Variants in HOMER1 observed in about 807,000 individuals in gnomAD.
HOMER1 encodes the protein homer protein homolog 1.
Under a neutral mutation model 48.9 loss-of-function variants are expected in HOMER1, and 3 were observed. The ratio of observed to expected loss-of-function variants is 0.06; its 90% CI spans 0.03 to 0.16. The LOEUF (loss-of-function observed/expected upper bound fraction) is 0.16. Ranked by LOEUF, HOMER1 falls within the 10% of genes least tolerant of loss-of-function variation. The probability of loss-of-function intolerance (pLI) is 1.00; values close to 1 mark genes in which losing one functional copy is unlikely to be tolerated. For synonymous variants in HOMER1, 134 were observed against 146.4 expected (o/e 0.92, Z 0.61); for missense variants, 247 against 411.4 (o/e 0.60, Z 3.46).
At chr5:79,424,901 C>A (rs1404920338) in intron 5 of HOMER1, among the ~76,000 whole-genome samples, 1 of 151,916 alleles carries the variant, frequency 6.6e-6, no homozygotes, top group Non-Finnish European at 1.5e-5. Flanking sequence ...GGCATTTTGC[C>A]AAAGAAACAA....
In HOMER1 at chr5:79,510,594, T is replaced by A. The variant is rs1349628306; in HGVS notation, c.5+2176A>T. ...GCCAAGAAACACAACAAGAAGGGCC[T>A]AAAGAAGATGCAGGCTAACAGTGCC... On this transcript the variant is annotated intron_variant, in intron 1 of 8. Transcript: ENST00000334082. 9.7e-6 allele frequency: 8 copies of A among 825,848 alleles called. No homozygotes were observed. The African/African-American group carries it at 1.3e-4, about 14-fold the overall frequency. The allele number at this position is 825,848 out of a possible 1,614,324, so 51.2% of individuals were successfully genotyped here. A position where few individuals can be genotyped will look rare whatever the true frequency, so the allele number is the denominator to read the frequency against.
intron 5 of HOMER1, among the ~76,000 whole-genome samples, chr5:79,402,624 TAC>T (rs1443451651): frequency 2.0e-5 from 3 of 152,206 alleles, no homozygotes; most frequent in Non-Finnish European, 4.4e-5. Context: ...TTATGACAGA[TAC>T]AGTTATCTAC....
chr5:79,509,935 T>C lies in HOMER1; in HGVS notation c.5+2835A>G, dbSNP rs753284717. On this transcript the variant is annotated intron_variant, in intron 1 of 8. Coordinates refer to ENST00000334082, the MANE Select transcript of HOMER1 (RefSeq NM_004272.5). The stretch of plus-strand genomic sequence containing the variant: ...TTTACCCACAGTATTAAATTTTAGA[T>C]ATCTATTACAGTAAGGTAATTATGG... Among the ~76,000 whole-genome samples the C allele has an allele frequency of 9.5e-4, 145 of 152,376 alleles. 2 individuals carry two copies. Among genetic ancestry groups the C allele is most frequent in the Non-Finnish European group, 1.2e-3 (80 of 68,032 alleles).
chr5:79,402,173 T>C (rs561175220), intron 5 of HOMER1, 118 bp from the exon 6 acceptor site: 44 of 910,646 alleles, frequency 4.8e-5, no homozygotes, highest in East Asian at 5.8e-5. Flanking sequence ...CTTTTCTTTT[T>C]TTTTTTTTTT....
chr5:79,505,343 C>T (rs1260987386), intron 1 of HOMER1, among the ~76,000 whole-genome samples: 1 of 152,226 alleles, frequency 6.6e-6, no homozygotes, highest in Non-Finnish European at 1.5e-5. Context: ...TTCTCCTCTA[C>T]AGGCCTCTGG....
Position 79,496,619 on chromosome 5 carries a change from G to A in HOMER1, c.5+16151C>T, listed in dbSNP as rs1752428171. Among the ~76,000 whole-genome samples the A allele has an allele frequency of 3.3e-5, 5 of 152,076 alleles. No homozygotes were observed. In the South Asian group the frequency reaches 1.0e-3, roughly 31 times the overall value. On this transcript the variant is annotated intron_variant, in intron 1 of 8. Transcript: ENST00000334082. ...AATATCTAAGATGAAGTCCACCAGT[G>A]ACAGGCCTCACTGATTCACAAAAAG...
Position 79,420,997 on chromosome 5 carries a change from A to T in HOMER1, c.527+18013T>A, listed in dbSNP as rs72766733. Among the ~76,000 whole-genome samples, 49 of 152,296 alleles carry T rather than the reference A, an allele frequency of 3.2e-4. No homozygotes were observed. In the Middle Eastern group the frequency reaches 0.01, roughly 32 times the overall value. On this transcript the variant is annotated intron_variant, in intron 5 of 8. Transcript: ENST00000334082. ...AGTTAAATGATTTCTAATTCATATGATTATATATGTATACAACATGCCTAC... is the reference window on the plus strand; with the variant it reads ...AGTTAAATGATTTCTAATTCATATGTTTATATATGTATACAACATGCCTAC...
intron 1 of HOMER1, among the ~76,000 whole-genome samples, chr5:79,491,275 T>C (rs1332480770): frequency 6.7e-6 from 1 of 150,182 alleles, no homozygotes; most frequent in Non-Finnish European, 1.5e-5. Context: ...CTACAAAAAA[T>C]AGCCGGGCAC....
intron 6 of HOMER1, among the ~76,000 whole-genome samples, chr5:79,398,194 G>C: frequency 6.6e-6 from 1 of 151,802 alleles, no homozygotes; most frequent in East Asian, 2.0e-4. Context: ...GGCCCAAAGA[G>C]TAATATAACT....
Position 79,425,664 on chromosome 5 carries a change from A to G in HOMER1, c.527+13346T>C, listed in dbSNP as rs374647515. Reference sequence around the variant, plus strand: ...CAGTTTATCTGTTTTAAAAAGGTGAAAAGATATAACTACTAATAGTAGCAG... The same window carrying G: ...CAGTTTATCTGTTTTAAAAAGGTGAGAAGATATAACTACTAATAGTAGCAG... On this transcript the variant is annotated intron_variant, in intron 5 of 8. Coordinates refer to ENST00000334082, the MANE Select transcript of HOMER1 (RefSeq NM_004272.5). 7.9e-5 allele frequency among the ~76,000 whole-genome samples: 12 copies of G among 152,200 alleles called. No individual in the cohort carries two copies. In the South Asian group the frequency reaches 2.5e-3, roughly 32 times the overall value.
At chr5:79,435,859 G>A (rs1290742982) in intron 5 of HOMER1, among the ~76,000 whole-genome samples, 1 of 142,144 alleles carries the variant, frequency 7.0e-6, no homozygotes, top group African/African-American at 2.6e-5. Flanking sequence ...GGGCGCGGTG[G>A]CTCACGCCTG....
intron 1 of HOMER1, among the ~76,000 whole-genome samples, chr5:79,496,745 C>G (rs1186500767): frequency 1.3e-5 from 2 of 151,958 alleles, no homozygotes; most frequent in African/African-American, 4.8e-5. Flanking sequence ...AAGAAAGGAA[C>G]ACAAAAGAAA....
intron 4 of HOMER1, among the ~76,000 whole-genome samples, chr5:79,441,298 AG>A (rs1750728859): frequency 6.6e-6 from 1 of 152,186 alleles, no homozygotes; most frequent in Non-Finnish European, 1.5e-5. Flanking sequence ...AAAGAGAGAG[AG>A]GAAGAGCAGT....
At chr5:79,448,897 C>A (rs1250611590) in intron 3 of HOMER1, among the ~76,000 whole-genome samples, 1 of 151,638 alleles carries the variant, frequency 6.6e-6, no homozygotes, top group East Asian at 1.9e-4. Flanking sequence ...TCCCAATATT[C>A]AACCTACCCT....
intron 4 of HOMER1, among the ~76,000 whole-genome samples, chr5:79,439,911 C>T (rs971624128): frequency 6.6e-6 from 1 of 152,000 alleles, no homozygotes; most frequent in African/African-American, 2.4e-5. Flanking sequence ...ATGTCTGCCA[C>T]CATCAGATTA....
At chr5:79,381,187 C>G (rs1580411747) in intron 8 of HOMER1, among the ~76,000 whole-genome samples, 2 of 152,296 alleles carry the variant, frequency 1.3e-5, no homozygotes, top group East Asian at 3.9e-4. Flanking sequence ...AAAACTTCAC[C>G]ACAGCCTCCA....
At chr5:79,456,810 C>T (rs369012127) in intron 2 of HOMER1, 52 bp downstream of exon 2, 81 of 1,526,042 alleles carry the variant, frequency 5.3e-5, no homozygotes, top group Non-Finnish European at 7.2e-5. Flanking sequence ...ACTAAAATGT[C>T]ATACTGAAAA....
At chr5:79,402,912 T>C (rs893251068) in intron 5 of HOMER1, among the ~76,000 whole-genome samples, 1 of 152,188 alleles carries the variant, frequency 6.6e-6, no homozygotes, top group Non-Finnish European at 1.5e-5. Flanking sequence ...ACTGATTTCA[T>C]AGGAAAGGCT....
At position 79,503,072 on chromosome 5, in the gene HOMER1, C is replaced by T. The variant is rs147931297; in HGVS notation, c.5+9698G>A. Among the ~76,000 whole-genome samples the T allele has an allele frequency of 2.9e-3, 445 of 152,068 alleles. 2 individuals are homozygous for T. The highest frequency in any genetic ancestry group is 0.01 in the Middle Eastern group (3 of 294). On this transcript the variant is annotated intron_variant, in intron 1 of 8. Coordinates refer to ENST00000334082, the MANE Select transcript of HOMER1 (RefSeq NM_004272.5). Reference sequence around the variant, plus strand: ...AAAGTGCTGGGATTACAGGCGTGAGCCACTGCGCCCAGCCTGCATGTAACT... The same window carrying T: ...AAAGTGCTGGGATTACAGGCGTGAGTCACTGCGCCCAGCCTGCATGTAACT...
Sources: gnomAD v4.1 joint callset for allele counts (sites outside exome capture counted in the v4.1 genomes callset) on GRCh38, gnomAD v4.1.1 for gene constraint, MANE v1.5 for transcripts, NCBI Gene and HGNC (gene_info 2026-07-23, HGNC 2026-07-21) for gene names.